ZNF91: variants seen among roughly 807,000 people sequenced by gnomAD.
ZNF91 encodes zinc finger protein 91 (HPF7, HTF10).
Under a neutral mutation model 12.6 loss-of-function variants are expected in ZNF91, and 7 were observed. The observed-to-expected ratio is 0.55, with a 90% CI of 0.31 to 1.04. ZNF91 has a LOEUF of 1.04. ZNF91 is among the 50% of genes least tolerant of loss of function. The probability of loss-of-function intolerance (pLI) is 0.05; values close to 1 mark genes in which losing one functional copy is unlikely to be tolerated. For missense variants in ZNF91, 1,217 were observed against 1,385.4 expected (o/e 0.88, Z 1.93); for synonymous variants, 453 against 462.6 (o/e 0.98, Z 0.27).
At chr19:23,391,745 A>G (rs1313209529) in intron 1 of ZNF91, among the ~76,000 whole-genome samples, 2 of 152,038 alleles carry the variant, frequency 1.3e-5, no homozygotes, top group African/African-American at 2.4e-5. Flanking sequence ...TTGTCTCAGT[A>G]TAGGGGCTTC....
intron 3 of ZNF91, among the ~76,000 whole-genome samples, chr19:23,365,295 TAC>T (rs775250866): frequency 5.7e-4 from 70 of 123,622 alleles, no homozygotes; most frequent in African/African-American, 2.4e-3. Flanking sequence ...AGCACAGTTC[TAC>T]AAAAAAAAAA....
intron 3 of ZNF91, among the ~76,000 whole-genome samples, chr19:23,351,223 C>A (rs1467320110): frequency 1.3e-5 from 2 of 151,600 alleles, no homozygotes; most frequent in African/African-American, 4.9e-5. Flanking sequence ...TACTTGGAGG[C>A]TGAGGCAGGA....
chr19:23,391,723 G>T (rs548485044), intron 1 of ZNF91, among the ~76,000 whole-genome samples: 4 of 152,218 alleles, frequency 2.6e-5, no homozygotes, highest in Non-Finnish European at 5.9e-5. Context: ...CAGCTTTCCA[G>T]GGCTCTGTAG....
intron 1 of ZNF91, among the ~76,000 whole-genome samples, chr19:23,323,704 T>C (rs1350804186): frequency 8.3e-6 from 1 of 121,186 alleles, no homozygotes; most frequent in Non-Finnish European, 1.7e-5. Flanking sequence ...CTTTATCCTC[T>C]CCTCCTTCTT....
intron 3 of ZNF91, among the ~76,000 whole-genome samples, chr19:23,363,784 C>A (rs1968899942): frequency 2.6e-5 from 4 of 151,648 alleles, no homozygotes; most frequent in Admixed American, 2.6e-4. Context: ...ACAGAGACAA[C>A]TATGGAAAAT....
chr19:23,332,811 AACTG>A (rs964418499), intron 1 of ZNF91, among the ~76,000 whole-genome samples: 16 of 152,074 alleles, frequency 1.1e-4, no homozygotes, highest in African/African-American at 3.6e-4. Context: ...TTACTACATG[AACTG>A]ACTGACTTGG....
At chr19:23,395,239 A>C (rs1452529868) in intron 1 of ZNF91, 86 bp downstream of exon 1, 6 of 1,524,870 alleles carry the variant, frequency 3.9e-6, no homozygotes, top group African/African-American at 2.8e-5. Context: ...TGACTGAAGG[A>C]AGGCCTGAGG....
intron 1 of ZNF91, among the ~76,000 whole-genome samples, chr19:23,377,445 C>T (rs528761162): frequency 4.1e-4 from 62 of 152,286 alleles, no homozygotes; most frequent in African/African-American, 1.4e-3. Flanking sequence ...CTTTAATTAG[C>T]TTATAAATCA....
intron 1 of ZNF91, among the ~76,000 whole-genome samples, chr19:23,322,188 C>T (rs1309319424): frequency 2.0e-5 from 3 of 152,178 alleles, no homozygotes; most frequent in Non-Finnish European, 2.9e-5. Flanking sequence ...CTTCCTGAGC[C>T]CTACCCACAG....
intron 1 of ZNF91, among the ~76,000 whole-genome samples, chr19:23,323,380 C>T (rs1401225233): frequency 7.0e-6 from 1 of 143,154 alleles, no homozygotes; most frequent in East Asian, 2.2e-4. Context: ...CCTTCCTCTT[C>T]CTCCTACTCT....
At chr19:23,319,088 T>C (rs1394269409) in intron 1 of ZNF91, among the ~76,000 whole-genome samples, 1 of 152,158 alleles carries the variant, frequency 6.6e-6, no homozygotes, top group East Asian at 1.9e-4. Context: ...AATGATGCAA[T>C]CCTCATTCTT....
intron 2 of ZNF91, 112 bp downstream of exon 2, chr19:23,374,526 C>T: frequency 1.7e-6 from 2 of 1,148,192 alleles, no homozygotes; most frequent in Non-Finnish European, 2.3e-6. Flanking sequence ...CGCCACTGCA[C>T]TCCAGTCTGG....
At chr19:23,333,874 C>T (rs1324248477), downstream of ZNF91, among the ~76,000 whole-genome samples, 1 of 152,202 alleles carries the variant, frequency 6.6e-6, no homozygotes, top group African/African-American at 2.4e-5. Context: ...TGGCTCCTTT[C>T]TTTTGTCATC....
chr19:23,320,733 G>T (rs953062217), intron 1 of ZNF91, among the ~76,000 whole-genome samples: 2 of 152,184 alleles, frequency 1.3e-5, no homozygotes, highest in Admixed American at 6.5e-5. Flanking sequence ...TCTTTGGGTG[G>T]TACAGAGAGT....
At chr19:23,381,374 T>A (rs1257056442) in intron 1 of ZNF91, among the ~76,000 whole-genome samples, 2 of 152,128 alleles carry the variant, frequency 1.3e-5, no homozygotes, top group Admixed American at 6.5e-5. Flanking sequence ...TATACATTAC[T>A]ATGCTAATTG....
intron 3 of ZNF91, among the ~76,000 whole-genome samples, chr19:23,348,404 C>T (rs1261581492): frequency 6.6e-6 from 1 of 152,178 alleles, no homozygotes; most frequent in African/African-American, 2.4e-5. Context: ...TTTCTTACAC[C>T]TGTCTTTACT....
intron 2 of ZNF91, 58 bp downstream of exon 2, chr19:23,374,580 A>T: frequency 2.8e-6 from 4 of 1,428,128 alleles, no homozygotes; most frequent in Non-Finnish European, 1.9e-6. Flanking sequence ...AAAAAAAAAA[A>T]GAAAAGAAGT....
intron 3 of ZNF91, among the ~76,000 whole-genome samples, chr19:23,372,628 A>G (rs1969330198): frequency 6.6e-6 from 1 of 152,208 alleles, no homozygotes; most frequent in Non-Finnish European, 1.5e-5. Flanking sequence ...CTCTGTAACC[A>G]TCCCAAACTC....
rs35974857 is a variant in ZNF91, at chr19:23,360,254, T to G, written c.2725A>C (p.Thr909Pro). 5.0e-6 allele frequency: 8 copies of G among 1,606,948 alleles called. No individual in the cohort carries two copies. Among genetic ancestry groups the G allele is most frequent in the African/African-American group, 1.4e-5 (1 of 72,758 alleles). The part of the protein sequence containing the change: ...EHKRIHTREK[T>P]YKCEECGKAF... ...TTGCCACATTCTTCACATTTGTAGG[T>G]TTTCTCTCTGGTATGAATTCTCTTA... Residue 909 changes from threonine (T) to proline (P), a missense_variant, in exon 4 of 4, where the codon ACC (threonine) becomes CCC (proline). Physicochemically the swap from Thr to Pro is conservative, Grantham distance 38. This residue lies in a region of ZNF91 where 491 missense variants were observed against 489.8 expected (regional missense o/e 1.00). Transcript: ENST00000300619.
Sources: allele counts gnomAD v4.1 joint callset (sites outside exome capture counted in the v4.1 genomes callset), GRCh38; gene constraint gnomAD v4.1.1; regional missense constraint gnomAD v4.1.1; transcripts MANE v1.5; gene names NCBI Gene and HGNC (gene_info 2026-07-23, HGNC 2026-07-21).